Variants in PLCXD3 observed in about 807,000 individuals in gnomAD.
PLCXD3 encodes phosphatidylinositol specific phospholipase C X domain containing 3.
Under a neutral mutation model 25.5 loss-of-function variants are expected in PLCXD3, and 19 were observed. The observed-to-expected ratio is 0.75, with a 90% CI of 0.52 to 1.09. The LOEUF (loss-of-function observed/expected upper bound fraction) is 1.09. PLCXD3 is among the 50% of genes least tolerant of loss of function. PLCXD3 has a pLI of 0.00. For missense variants in PLCXD3, 411 were observed against 388.1 expected, an observed-to-expected ratio of 1.06 and a Z score of -0.50; for synonymous variants, 174 against 137.6, an observed-to-expected ratio of 1.26 and a Z score of -1.85.
intron 1 of PLCXD3, among the ~76,000 whole-genome samples, chr5:41,478,841 G>C (rs1268539676): frequency 6.6e-6 from 1 of 152,228 alleles, no homozygotes; most frequent in Non-Finnish European, 1.5e-5. Context: ...AATAGTGGCA[G>C]AAGGGCGAAG....
At chr5:41,458,436 T>C (rs1747803923) in intron 1 of PLCXD3, among the ~76,000 whole-genome samples, 1 of 151,906 alleles carries the variant, frequency 6.6e-6, no homozygotes, top group Admixed American at 6.6e-5. Flanking sequence ...ATAGGAGATA[T>C]AAAAAGCCAT....
intron 1 of PLCXD3, among the ~76,000 whole-genome samples, chr5:41,474,874 T>G (rs772642678): frequency 2.0e-5 from 3 of 152,122 alleles, no homozygotes; most frequent in Non-Finnish European, 4.4e-5. Context: ...TCTTAGTGAG[T>G]GTGTCTCCTC....
At chr5:41,332,094 G>C (rs1411100953) in intron 2 of PLCXD3, among the ~76,000 whole-genome samples, 1 of 152,082 alleles carries the variant, frequency 6.6e-6, no homozygotes, top group Admixed American at 6.6e-5. Flanking sequence ...TTGACAAATG[G>C]GATCTAATTC....
intron 2 of PLCXD3, among the ~76,000 whole-genome samples, chr5:41,342,091 T>C (rs540908506): frequency 6.6e-6 from 1 of 152,330 alleles, no homozygotes; most frequent in South Asian, 2.1e-4. Flanking sequence ...TTGTTACTTT[T>C]GGAAATGAGC....
chr5:41,387,906 G>GC (rs1039212559), intron 1 of PLCXD3, among the ~76,000 whole-genome samples: 3 of 152,042 alleles, frequency 2.0e-5, no homozygotes, highest in African/African-American at 7.2e-5. Flanking sequence ...CTATTGTGTA[G>GC]CATGGGGTAG....
intron 1 of PLCXD3, among the ~76,000 whole-genome samples, chr5:41,396,418 C>T (rs989505623): frequency 3.9e-5 from 6 of 152,164 alleles, no homozygotes; most frequent in Non-Finnish European, 7.3e-5. Context: ...GGCCTCTCAG[C>T]CATGCTTCAT....
intron 1 of PLCXD3, among the ~76,000 whole-genome samples, chr5:41,449,098 A>C (rs1747570546): frequency 6.6e-6 from 1 of 152,166 alleles, no homozygotes; most frequent in Non-Finnish European, 1.5e-5. Context: ...TTTTCACATT[A>C]CATTTCACCA....
At chr5:41,450,984 C>T (rs935471270) in intron 1 of PLCXD3, among the ~76,000 whole-genome samples, 5 of 152,064 alleles carry the variant, frequency 3.3e-5, no homozygotes, top group African/African-American at 1.2e-4. Flanking sequence ...CTATGCCTAA[C>T]TGAGAAGACA....
chr5:41,385,111 T>C (rs547834428), intron 1 of PLCXD3, among the ~76,000 whole-genome samples: 1 of 152,260 alleles, frequency 6.6e-6, no homozygotes, highest in African/African-American at 2.4e-5. Flanking sequence ...GTAAGTTTTC[T>C]ATTTGTTTGA....
At chr5:41,339,298 G>A (rs1406128695) in intron 2 of PLCXD3, among the ~76,000 whole-genome samples, 1 of 152,092 alleles carries the variant, frequency 6.6e-6, no homozygotes, top group Non-Finnish European at 1.5e-5. Context: ...TAAGGAATGG[G>A]AGCAGAGGAG....
At chr5:41,487,952 A>G (rs1230871016) in intron 1 of PLCXD3, among the ~76,000 whole-genome samples, 2 of 151,824 alleles carry the variant, frequency 1.3e-5, no homozygotes, top group Non-Finnish European at 2.9e-5. Flanking sequence ...GTTTTAGGGT[A>G]CATGTGCACA....
chr5:41,442,189 G>C (rs185493925), intron 1 of PLCXD3, among the ~76,000 whole-genome samples: 17 of 152,166 alleles, frequency 1.1e-4, no homozygotes, highest in African/African-American at 3.6e-4. Flanking sequence ...CATGATAATA[G>C]TGAATTCTCC....
intron 2 of PLCXD3, among the ~76,000 whole-genome samples, chr5:41,360,736 A>G (rs1175689844): frequency 6.6e-6 from 1 of 152,176 alleles, no homozygotes; most frequent in African/African-American, 2.4e-5. Flanking sequence ...AGCCATGGAT[A>G]CCAGCACCTG....
At chr5:41,424,368 C>G (rs1230279860) in intron 1 of PLCXD3, among the ~76,000 whole-genome samples, 2 of 152,114 alleles carry the variant, frequency 1.3e-5, no homozygotes, top group African/African-American at 2.4e-5. Flanking sequence ...TGGATAAACC[C>G]CGTCTCTACT....
intron 1 of PLCXD3, among the ~76,000 whole-genome samples, chr5:41,388,459 A>T (rs1210091021): frequency 1.3e-5 from 2 of 152,098 alleles, no homozygotes; most frequent in Non-Finnish European, 2.9e-5. Flanking sequence ...AGATATTTTT[A>T]AAAACAGTGA....
At chr5:41,390,433 A>T (rs536129361) in intron 1 of PLCXD3, among the ~76,000 whole-genome samples, 1 of 152,272 alleles carries the variant, frequency 6.6e-6, no homozygotes, top group African/African-American at 2.4e-5. Context: ...AAATTGACAA[A>T]TTTCTCAAAA....
At chr5:41,378,528 C>T (rs1434425892) in intron 2 of PLCXD3, among the ~76,000 whole-genome samples, 1 of 152,060 alleles carries the variant, frequency 6.6e-6, no homozygotes, top group Admixed American at 6.6e-5. Flanking sequence ...TGATACAACT[C>T]TACTATTCCA....
chr5:41,462,795 AAAAAAG>A (rs576652173), intron 1 of PLCXD3, among the ~76,000 whole-genome samples: 2 of 152,050 alleles, frequency 1.3e-5, no homozygotes, highest in Non-Finnish European at 2.9e-5. Flanking sequence ...AAAAAGAAAA[AAAAAAG>A]AAAAAGAAAA....
intron 2 of PLCXD3, among the ~76,000 whole-genome samples, chr5:41,381,264 A>G (rs1745452156): frequency 1.3e-5 from 2 of 152,148 alleles, no homozygotes; most frequent in South Asian, 4.1e-4. Context: ...ATGAAAAGAC[A>G]ACTAGACATG....
Sources: gnomAD v4.1 joint callset for allele counts (sites outside exome capture counted in the v4.1 genomes callset) on GRCh38, gnomAD v4.1.1 for gene constraint, MANE v1.5 for transcripts, NCBI Gene and HGNC (gene_info 2026-07-23, HGNC 2026-07-21) for gene names.